PCDH15: variants seen among roughly 807,000 people sequenced by gnomAD.
PCDH15 encodes protocadherin-15.
In PCDH15, 129 loss-of-function variants were observed where a neutral mutation model predicts 178.5. That is an observed-to-expected ratio of 0.72 (90% CI 0.63 to 0.84). PCDH15 has a LOEUF of 0.84. PCDH15 is among the 40% of genes least tolerant of loss of function. The pLI, the probability that PCDH15 is intolerant of heterozygous loss-of-function variation, is 0.00. For missense variants in PCDH15, 2,230 were observed against 2,099.9 expected (o/e 1.06, Z -1.21); for synonymous variants, 800 against 732.0 (o/e 1.09, Z -1.50).
intron 17 of PCDH15, among the ~76,000 whole-genome samples, chr10:54,068,426 T>A (rs2094177928): frequency 6.6e-6 from 1 of 152,138 alleles, no homozygotes; most frequent in African/African-American, 2.4e-5. Context: ...GGTCAGAACA[T>A]CATTATATAG....
chr10:54,968,055 A>G (rs1418253227), intron 2 of PCDH15, among the ~76,000 whole-genome samples: 1 of 152,186 alleles, frequency 6.6e-6, no homozygotes, highest in Non-Finnish European at 1.5e-5. Context: ...GGGAGTCACA[A>G]CACAACCTAT....
At chr10:55,287,119 A>G (rs1842891761) in intron 1 of PCDH15, among the ~76,000 whole-genome samples, 1 of 152,022 alleles carries the variant, frequency 6.6e-6, no homozygotes, top group South Asian at 2.1e-4. Context: ...TCACAATAAG[A>G]AAAAAATCAG....
chr10:54,122,307 T>C (rs2041605198), intron 15 of PCDH15, among the ~76,000 whole-genome samples: 1 of 151,968 alleles, frequency 6.6e-6, no homozygotes, highest in South Asian at 2.1e-4. Context: ...GCTTTCAACA[T>C]AATTCAACAT....
At chr10:54,382,927 T>C (rs913979772) in intron 3 of PCDH15, among the ~76,000 whole-genome samples, 4 of 152,170 alleles carry the variant, frequency 2.6e-5, no homozygotes, top group Admixed American at 2.0e-4. Context: ...AAGATCTATG[T>C]TCAGAATCTT....
At chr10:53,848,756 G>A (rs2078142610) in intron 28 of PCDH15, among the ~76,000 whole-genome samples, 1 of 151,720 alleles carries the variant, frequency 6.6e-6, no homozygotes, top group Middle Eastern at 3.5e-3. Flanking sequence ...GTTAATATAC[G>A]GGTACCTTCA....
At chr10:54,535,528 G>A (rs962700169) in intron 2 of PCDH15, among the ~76,000 whole-genome samples, 1 of 151,830 alleles carries the variant, frequency 6.6e-6, no homozygotes, top group African/African-American at 2.4e-5. Context: ...GGCTAACATG[G>A]TGAAACCCCA....
intron 2 of PCDH15, among the ~76,000 whole-genome samples, chr10:55,424,623 C>T (rs897637579): frequency 2.6e-5 from 4 of 152,088 alleles, no homozygotes; most frequent in African/African-American, 7.2e-5. Context: ...AAGACAACCT[C>T]AGCCCAATTC....
At chr10:54,763,240 A>G (rs1012432366) in intron 1 of PCDH15, among the ~76,000 whole-genome samples, 1 of 152,138 alleles carries the variant, frequency 6.6e-6, no homozygotes, top group Non-Finnish European at 1.5e-5. Context: ...AACCTTTACA[A>G]TATTGGTGCA....
intron 2 of PCDH15, among the ~76,000 whole-genome samples, chr10:54,570,610 C>T (rs116787982): frequency 8.0e-4 from 121 of 151,894 alleles, no homozygotes; most frequent in African/African-American, 2.8e-3. Flanking sequence ...TGTTGGCATT[C>T]CTTAAATTCT....
chr10:54,638,589 C>T (rs569162610), intron 2 of PCDH15, among the ~76,000 whole-genome samples: 1 of 152,176 alleles, frequency 6.6e-6, no homozygotes, highest in South Asian at 2.1e-4. Flanking sequence ...ATTTTTTACA[C>T]TTGTCAACTA....
chr10:55,580,405 T>TG (rs1426640339), intron 2 of PCDH15, among the ~76,000 whole-genome samples: 2 of 150,514 alleles, frequency 1.3e-5, no homozygotes, highest in African/African-American at 2.4e-5. Flanking sequence ...TTGCCCAGGC[T>TG]GGAGTTAAGT....
intron 2 of PCDH15, among the ~76,000 whole-genome samples, chr10:54,570,396 A>G (rs1050909399): frequency 2.0e-5 from 3 of 151,634 alleles, no homozygotes; most frequent in Non-Finnish European, 2.9e-5. Context: ...TTCAAAATGT[A>G]CTCTTTTGCT....
At chr10:55,160,643 GCAT>G (rs1369266859) in intron 2 of PCDH15, among the ~76,000 whole-genome samples, 4 of 151,966 alleles carry the variant, frequency 2.6e-5, no homozygotes, top group African/African-American at 9.7e-5. Context: ...CATTTCTGTT[GCAT>G]CAAGTATATG....
intron 3 of PCDH15, among the ~76,000 whole-genome samples, chr10:54,882,211 C>T (rs1194156949): frequency 2.0e-5 from 3 of 152,170 alleles, no homozygotes; most frequent in South Asian, 2.1e-4. Flanking sequence ...AAGAATATCA[C>T]ATTTCCAGTG....
intron 2 of PCDH15, among the ~76,000 whole-genome samples, chr10:54,620,611 C>A (rs1471710881): frequency 6.6e-6 from 1 of 152,000 alleles, no homozygotes; most frequent in East Asian, 1.9e-4. Flanking sequence ...CTTGCGAAAG[C>A]TGAGCAATAC....
chr10:55,403,381 G>C (rs1436414752), intron 2 of PCDH15, among the ~76,000 whole-genome samples: 1 of 151,602 alleles, frequency 6.6e-6, no homozygotes, highest in Non-Finnish European at 1.5e-5. Context: ...GTTTAATATA[G>C]TACCATTTGC....
intron 2 of PCDH15, among the ~76,000 whole-genome samples, chr10:55,090,345 A>G (rs889953848): frequency 6.7e-6 from 1 of 149,922 alleles, no homozygotes; most frequent in East Asian, 2.0e-4. Flanking sequence ...TCCTGCAATA[A>G]TAGTTATATA....
At chr10:55,318,803 T>A (rs956335305) in intron 1 of PCDH15, among the ~76,000 whole-genome samples, 1 of 152,212 alleles carries the variant, frequency 6.6e-6, no homozygotes, top group East Asian at 1.9e-4. Context: ...ATTAGACACA[T>A]GTTGGTGAAA....
At chr10:54,260,084 T>C (rs1200302153) in intron 8 of PCDH15, among the ~76,000 whole-genome samples, 1 of 152,168 alleles carries the variant, frequency 6.6e-6, no homozygotes, top group African/African-American at 2.4e-5. Flanking sequence ...TCAGTACTCA[T>C]GTAATGACGG....
Sources: allele counts gnomAD v4.1 joint callset (sites outside exome capture counted in the v4.1 genomes callset), GRCh38; gene constraint gnomAD v4.1.1; transcripts MANE v1.5; gene names NCBI Gene and HGNC (gene_info 2026-07-23, HGNC 2026-07-21).